Variants in EPHA5 observed in about 807,000 individuals in gnomAD.
The protein encoded by EPHA5 is EPH receptor A5, also known as ephrin type-A receptor 5.
EPHA5 carries 60 observed loss-of-function variants against 105.0 expected under a neutral mutation model. That is an observed-to-expected ratio of 0.57 (90% confidence interval 0.46 to 0.71). The LOEUF is 0.71. EPHA5 is among the 30% of genes least tolerant of loss of function. EPHA5 has a pLI of 0.00. For missense variants in EPHA5, 1,218 were observed against 1,274.7 expected (o/e 0.96, Z 0.68); for synonymous variants, 513 against 449.1 (o/e 1.14, Z -1.80).
At chr4:65,499,317 G>A (rs1732256306) in intron 3 of EPHA5, among the ~76,000 whole-genome samples, 1 of 151,568 alleles carries the variant, frequency 6.6e-6, no homozygotes, top group Admixed American at 6.6e-5. Flanking sequence ...TCTGCTCTCT[G>A]AGGTGAAGCT....
intron 1 of EPHA5, among the ~76,000 whole-genome samples, chr4:65,650,318 C>T (rs1215413122): frequency 1.3e-5 from 2 of 150,240 alleles, no homozygotes; most frequent in African/African-American, 2.5e-5. Flanking sequence ...GAGGCCGAGG[C>T]GGGCAGATCA....
intron 8 of EPHA5, among the ~76,000 whole-genome samples, chr4:65,383,664 C>A (rs943694641): frequency 3.3e-5 from 5 of 151,818 alleles, no homozygotes; most frequent in Admixed American, 2.0e-4. Context: ...TTCAATAATG[C>A]CCTGGTCATA....
intron 8 of EPHA5, among the ~76,000 whole-genome samples, chr4:65,400,063 A>G (rs1159770830): frequency 6.6e-6 from 1 of 152,198 alleles, no homozygotes; most frequent in Admixed American, 6.5e-5. Flanking sequence ...TTAAAGTATT[A>G]AAAAGAGGAA....
At chr4:65,604,964 G>A (rs1292722032) in intron 2 of EPHA5, among the ~76,000 whole-genome samples, 3 of 152,174 alleles carry the variant, frequency 2.0e-5, no homozygotes, top group African/African-American at 7.2e-5. Flanking sequence ...TGTGAGCCTG[G>A]ACATTTTGGA....
chr4:65,331,332 A>T, intron 16 of EPHA5: 1 of 1,036,078 alleles, frequency 9.7e-7, no homozygotes, highest in Non-Finnish European at 1.2e-6. Flanking sequence ...TTAATATTTA[A>T]CTCTAGTGAT....
chr4:65,381,652 A>T (rs1719574754), intron 8 of EPHA5, among the ~76,000 whole-genome samples: 1 of 151,816 alleles, frequency 6.6e-6, no homozygotes, highest in African/African-American at 2.4e-5. Flanking sequence ...ATATTTCAGG[A>T]TGCAAAACTG....
At chr4:65,624,731 A>G (rs1472156837) in intron 2 of EPHA5, among the ~76,000 whole-genome samples, 2 of 152,188 alleles carry the variant, frequency 1.3e-5, no homozygotes, top group African/African-American at 2.4e-5. Context: ...GAATTTCATA[A>G]TGAAAGCAAA....
intron 5 of EPHA5, among the ~76,000 whole-genome samples, chr4:65,473,885 C>CTT (rs35439573): frequency 0.26 from 37,391 of 144,286 alleles, 5,233 homozygotes; most frequent in Middle Eastern, 0.36. Flanking sequence ...TTTGTAAGGG[C>CTT]TTTTTTTTTT....
intron 2 of EPHA5, among the ~76,000 whole-genome samples, chr4:65,641,184 G>C (rs1439605711): frequency 2.0e-5 from 3 of 152,130 alleles, no homozygotes; most frequent in Non-Finnish European, 4.4e-5. Flanking sequence ...CGAGGCTACT[G>C]GTTTTCACCA....
At chr4:65,658,857 A>C (rs1356105765) in intron 1 of EPHA5, among the ~76,000 whole-genome samples, 1 of 152,116 alleles carries the variant, frequency 6.6e-6, no homozygotes, top group Non-Finnish European at 1.5e-5. Context: ...TAATAGATCA[A>C]ACTCTCGTTT....
rs1750290799 is a variant in EPHA5, at chr4:65,669,683, G to A, written c.60C>T (p.Asp20=). The A allele has an allele frequency of 2.3e-6, 3 of 1,323,200 alleles. No homozygotes were observed. Among genetic ancestry groups the A allele is most frequent in the Non-Finnish European group, 2.9e-6 (3 of 1,032,776 alleles). 82.0% of individuals were successfully genotyped at this position (1,323,200 alleles called of 1,614,324 possible). ...GRRRPPSGGG[D]TPITPASLAG... Reference sequence around the variant, plus strand: ...CCAGGGACGCTGGGGTGATGGGGGTGTCGCCGCCGCCGCTTGGGGGCCGCC... The same window carrying A: ...CCAGGGACGCTGGGGTGATGGGGGTATCGCCGCCGCCGCTTGGGGGCCGCC... Residue 20 remains aspartate (D), a synonymous_variant, in exon 1 of 17, where the codon GAC becomes GAT. Coordinates refer to ENST00000613740, the MANE Select transcript of EPHA5 (RefSeq NM_001281766.3).
intron 3 of EPHA5, among the ~76,000 whole-genome samples, chr4:65,516,120 G>C (rs1315214437): frequency 3.3e-5 from 5 of 152,088 alleles, no homozygotes; most frequent in African/African-American, 1.2e-4. Flanking sequence ...CTTGAACAAT[G>C]TGGGGGTTGA....
chr4:65,337,758 G>T (rs943173353), intron 14 of EPHA5, among the ~76,000 whole-genome samples: 7 of 151,978 alleles, frequency 4.6e-5, no homozygotes, highest in Non-Finnish European at 8.8e-5. Flanking sequence ...TAATATAAAG[G>T]TAAGGGTCAT....
chr4:65,374,599 A>G (rs1309270883), intron 8 of EPHA5, among the ~76,000 whole-genome samples: 1 of 151,918 alleles, frequency 6.6e-6, no homozygotes, highest in African/African-American at 2.4e-5. Context: ...TCGGAACGCT[A>G]AATTTCCACA....
intron 2 of EPHA5, among the ~76,000 whole-genome samples, chr4:65,625,199 T>C (rs957447973): frequency 1.3e-5 from 2 of 152,126 alleles, no homozygotes; most frequent in Non-Finnish European, 2.9e-5. Flanking sequence ...GAGAGCTATG[T>C]TGTAGAACAA....
intron 5 of EPHA5, among the ~76,000 whole-genome samples, chr4:65,443,949 A>T (rs1479938120): frequency 6.6e-6 from 1 of 151,904 alleles, no homozygotes; most frequent in Admixed American, 6.6e-5. Context: ...GTGCACGCGC[A>T]CATGCGCACT....
chr4:65,353,016 A>G (rs201498934), intron 12 of EPHA5, 26 bp downstream of exon 12: 5 of 1,447,092 alleles, frequency 3.5e-6, no homozygotes, highest in African/African-American at 2.9e-5. Flanking sequence ...AACACCTTGA[A>G]TAACTAAATT....
chr4:65,382,082 A>T (rs1409381935), intron 8 of EPHA5, among the ~76,000 whole-genome samples: 2 of 151,830 alleles, frequency 1.3e-5, no homozygotes, highest in African/African-American at 4.8e-5. Context: ...CCCAAATTGT[A>T]CAAATCTAAG....
At chr4:65,635,277 G>T (rs1049921883) in intron 2 of EPHA5, among the ~76,000 whole-genome samples, 2 of 152,018 alleles carry the variant, frequency 1.3e-5, no homozygotes, top group African/African-American at 2.4e-5. Context: ...AACTTACTTT[G>T]TCTCCATTTT....
Sources: allele counts gnomAD v4.1 joint callset (sites outside exome capture counted in the v4.1 genomes callset), GRCh38; gene constraint gnomAD v4.1.1; transcripts MANE v1.5; gene names NCBI Gene and HGNC (gene_info 2026-07-23, HGNC 2026-07-21).